SAMD5: variants seen among roughly 807,000 people sequenced by gnomAD.
SAMD5 encodes the protein sterile alpha motif domain containing 5.
In SAMD5, 13 loss-of-function variants were observed where a neutral mutation model predicts 11.3. The ratio of observed to expected loss-of-function variants is 1.15; its 90% confidence interval spans 0.75 to 1.83. The LOEUF (loss-of-function observed/expected upper bound fraction) is 1.83, where lower values mean the gene tolerates loss of function less well. SAMD5 is among the 40% of genes most tolerant of loss of function. The probability of loss-of-function intolerance (pLI) is 0.00; values close to 1 mark genes in which losing one functional copy is unlikely to be tolerated. For missense variants in SAMD5, 255 were observed against 239.1 expected (o/e 1.07, Z -0.44); for synonymous variants, 129 against 111.3 (o/e 1.16, Z -1.00).
chr6:147,691,462 A>C (rs914157215), intron 1 of SAMD5, among the ~76,000 whole-genome samples: 1 of 152,174 alleles, frequency 6.6e-6, no homozygotes, highest in South Asian at 2.1e-4. Context: ...TTTTTCAACT[A>C]TGACTTTCAG....
At position 147,509,012 on chromosome 6, in the gene SAMD5, T is replaced by A; in HGVS notation, c.84T>A (p.Asp28Glu). 6.2e-7 allele frequency: 1 copy of A among 1,608,288 alleles called. No homozygotes were observed. Among genetic ancestry groups the A allele is most frequent in the Non-Finnish European group, 8.5e-7 (1 of 1,177,888 alleles). Residue 28 changes from aspartate to glutamate, a missense_variant, in exon 1 of 2, where the codon GAT becomes GAA. Asp to Glu is a conservative substitution (Grantham distance 45). Transcript: ENST00000367474. ...YAESFVDNGY[D>E]DLEVCKQIGD... ...AGTCCTTCGTGGATAACGGCTACGA[T>A]GACCTGGAGGTGTGCAAGCAGATCG...
chr6:147,805,673 G>T, the SAMD5 span, among the ~76,000 whole-genome samples: 2 of 152,128 alleles, frequency 1.3e-5, no homozygotes, highest in East Asian at 3.9e-4. Context: ...AAAATATGGG[G>T]TCTTCCTTTC....
At chr6:147,731,494 A>G (rs906005535) in intron 1 of SAMD5, among the ~76,000 whole-genome samples, 1 of 152,142 alleles carries the variant, frequency 6.6e-6, no homozygotes, top group African/African-American at 2.4e-5. Flanking sequence ...AAAACAATGC[A>G]CAGCCATGAA....
chr6:147,816,043 G>T, the SAMD5 span, among the ~76,000 whole-genome samples: 11 of 151,942 alleles, frequency 7.2e-5, no homozygotes, highest in African/African-American at 2.4e-4. Flanking sequence ...ACTTTGGGAG[G>T]CCAAACGGGC....
intron 1 of SAMD5, among the ~76,000 whole-genome samples, chr6:147,716,343 T>C (rs1409532123): frequency 6.6e-6 from 1 of 152,150 alleles, no homozygotes; most frequent in African/African-American, 2.4e-5. Flanking sequence ...GAGTGGGTGC[T>C]AGGAGCAGGG....
At chr6:147,522,475 G>A (rs1218243672) in intron 1 of SAMD5, among the ~76,000 whole-genome samples, 1 of 151,946 alleles carries the variant, frequency 6.6e-6, no homozygotes, top group African/African-American at 2.4e-5. Flanking sequence ...TTTAAACTGG[G>A]CCCAATATTG....
chr6:147,563,788 ATACT>A (rs142863588), intron 1 of SAMD5, among the ~76,000 whole-genome samples: 2,305 of 152,378 alleles, frequency 0.015, 28 homozygotes, highest in Admixed American at 0.022. Context: ...TTTGTAAGAA[ATACT>A]TAATTAACCT....
At chr6:147,626,379 C>CTT (rs879585437) in intron 1 of SAMD5, among the ~76,000 whole-genome samples, 267 of 146,800 alleles carry the variant, frequency 1.8e-3, no homozygotes, top group Non-Finnish European at 3.3e-3. Context: ...AATTGCTTTC[C>CTT]TTTTTTTTTT....
the SAMD5 span, among the ~76,000 whole-genome samples, chr6:147,817,004 A>G: frequency 6.6e-6 from 1 of 152,226 alleles, no homozygotes; most frequent in African/African-American, 2.4e-5. Context: ...ATCAGGTTAA[A>G]AAGAGAAAGT....
the SAMD5 span, among the ~76,000 whole-genome samples, chr6:147,857,686 T>G: frequency 9.4e-5 from 14 of 149,354 alleles, no homozygotes; most frequent in Admixed American, 4.0e-4. Flanking sequence ...AATTTTTTCT[T>G]CTTTTTTTTC....
chr6:147,736,430 G>T lies in SAMD5; in HGVS notation c.163-887G>T, dbSNP rs185633652. Among the ~76,000 whole-genome samples, 1,209 of 152,048 alleles carry T rather than the reference G, an allele frequency of 8.0e-3. 9 individuals carry two copies. Among genetic ancestry groups the T allele is most frequent in the Non-Finnish European group, 0.013 (882 of 67,994 alleles). ...TGTAATGTTTGAAATATCATAAATC[G>T]AGAAAAGTCTTGCTTTCCATAATGA... On this transcript the variant is annotated intron_variant, in intron 1 of 1. Coordinates refer to the SAMD5 transcript ENST00000566741.
intron 1 of SAMD5, among the ~76,000 whole-genome samples, chr6:147,585,919 C>T (rs376640078): frequency 1.6e-3 from 247 of 152,098 alleles, no homozygotes; most frequent in African/African-American, 5.6e-3. Flanking sequence ...GAAAGCATCT[C>T]AAAAAAGATA....
At chr6:147,525,555 CT>C (rs1251165802) in intron 1 of SAMD5, among the ~76,000 whole-genome samples, 1 of 151,936 alleles carries the variant, frequency 6.6e-6, no homozygotes, top group Non-Finnish European at 1.5e-5. Context: ...ATGACTGTAA[CT>C]TTTCCCGCTT....
At chr6:147,701,675 A>G (rs930693488) in intron 1 of SAMD5, among the ~76,000 whole-genome samples, 3 of 152,006 alleles carry the variant, frequency 2.0e-5, no homozygotes, top group African/African-American at 7.3e-5. Flanking sequence ...AAAATTAAAA[A>G]CTGAATGATA....
chr6:147,881,631 A>G, the SAMD5 span, among the ~76,000 whole-genome samples: 3 of 152,162 alleles, frequency 2.0e-5, no homozygotes, highest in East Asian at 5.8e-4. Flanking sequence ...TCCTTACAAC[A>G]GCACACAATA....
At chr6:147,543,364 A>C (rs2128442245) in intron 1 of SAMD5, among the ~76,000 whole-genome samples, 1 of 152,298 alleles carries the variant, frequency 6.6e-6, no homozygotes, top group African/African-American at 2.4e-5. Flanking sequence ...AGAAAGTTCT[A>C]ATGAGAGTGA....
At chr6:147,646,966 C>G (rs1474510433) in intron 1 of SAMD5, among the ~76,000 whole-genome samples, 2 of 144,174 alleles carry the variant, frequency 1.4e-5, no homozygotes, top group Admixed American at 1.4e-4. Flanking sequence ...GGTGAAACCT[C>G]ATCTCTAATA....
At chr6:147,525,528 T>C (rs1437657612) in intron 1 of SAMD5, among the ~76,000 whole-genome samples, 2 of 151,912 alleles carry the variant, frequency 1.3e-5, no homozygotes, top group African/African-American at 2.4e-5. Context: ...TGTTAGTAGC[T>C]AGAGGTTACA....
intron 1 of SAMD5, among the ~76,000 whole-genome samples, chr6:147,542,790 G>A (rs990922091): frequency 2.0e-5 from 3 of 152,228 alleles, no homozygotes; most frequent in Admixed American, 6.5e-5. Flanking sequence ...TAATTTGGTC[G>A]CTAACATTAG....
Sources: allele counts gnomAD v4.1 joint callset (sites outside exome capture counted in the v4.1 genomes callset), GRCh38; gene constraint gnomAD v4.1.1; transcripts MANE v1.5; gene names NCBI Gene and HGNC (gene_info 2026-07-23, HGNC 2026-07-21).